Variants in KATNAL2 observed in about 807,000 individuals in gnomAD.
KATNAL2 encodes the protein katanin catalytic subunit A1 like 2.
In KATNAL2, 52 loss-of-function variants were observed where a neutral mutation model predicts 76.3. That is an observed-to-expected ratio of 0.68 (90% CI 0.55 to 0.86). The LOEUF (loss-of-function observed/expected upper bound fraction) is 0.86, where lower values mean the gene tolerates loss of function less well. Ranked by LOEUF, KATNAL2 falls within the 40% of genes least tolerant of loss-of-function variation. The pLI is 0.00. For missense variants in KATNAL2, 660 were observed against 668.9 expected, an observed-to-expected ratio of 0.99 and a Z score of 0.15; for synonymous variants, 243 against 244.2, an observed-to-expected ratio of 1.00 and a Z score of 0.05.
At chr18:46,956,953 G>T (rs1478251367) in intron 3 of KATNAL2, among the ~76,000 whole-genome samples, 1 of 148,360 alleles carries the variant, frequency 6.7e-6, no homozygotes, top group Admixed American at 6.9e-5. Flanking sequence ...TGAGACAAGA[G>T]AATTGGTTGA....
At chr18:46,960,509 T>C (rs2059906619) in intron 3 of KATNAL2, among the ~76,000 whole-genome samples, 1 of 151,666 alleles carries the variant, frequency 6.6e-6, no homozygotes, top group Non-Finnish European at 1.5e-5. Flanking sequence ...TGCTTAGAAC[T>C]GGGAGGGAAG....
At chr18:47,070,432 C>T (rs2061960268) in intron 13 of KATNAL2, among the ~76,000 whole-genome samples, 1 of 152,102 alleles carries the variant, frequency 6.6e-6, no homozygotes, top group East Asian at 1.9e-4. Context: ...TCCATCTTTA[C>T]AATATCACAT....
chr18:46,952,876 C>T (rs1347596831), intron 3 of KATNAL2, among the ~76,000 whole-genome samples: 1 of 148,590 alleles, frequency 6.7e-6, no homozygotes, highest in Non-Finnish European at 1.5e-5. Context: ...CCCTCCCTCC[C>T]TGCTTCCTTC....
chr18:47,057,660 T>C (rs2061509177), intron 6 of KATNAL2, among the ~76,000 whole-genome samples: 1 of 152,222 alleles, frequency 6.6e-6, no homozygotes, highest in Non-Finnish European at 1.5e-5. Flanking sequence ...TTGGCAAATA[T>C]GATTGGTCTG....
intron 3 of KATNAL2, among the ~76,000 whole-genome samples, chr18:46,955,231 T>C (rs2059708143): frequency 6.7e-6 from 1 of 148,698 alleles, no homozygotes; most frequent in African/African-American, 2.5e-5. Flanking sequence ...CTTTTTTTTT[T>C]TTGAGACAAA....
intron 5 of KATNAL2, among the ~76,000 whole-genome samples, 190 bp downstream of exon 5, chr18:47,053,236 A>G (rs1200154111): frequency 6.6e-6 from 1 of 152,226 alleles, no homozygotes; most frequent in Non-Finnish European, 1.5e-5. Context: ...ATATCCCTTT[A>G]GGCACTTTGG....
chr18:47,046,027 G>C (rs1351665908), intron 3 of KATNAL2, among the ~76,000 whole-genome samples: 1 of 152,162 alleles, frequency 6.6e-6, no homozygotes, highest in East Asian at 1.9e-4. Flanking sequence ...GACTGGGCGG[G>C]GCTCTGAGTG....
chr18:46,927,484 G>A (rs561688060), intron 1 of KATNAL2, among the ~76,000 whole-genome samples: 48 of 152,220 alleles, frequency 3.2e-4, no homozygotes, highest in Admixed American at 7.2e-4. Context: ...CCCTTTGTGG[G>A]TAACCCGACC....
chr18:46,919,755 A>G (rs892233807), intron 1 of KATNAL2, among the ~76,000 whole-genome samples: 7 of 152,218 alleles, frequency 4.6e-5, no homozygotes. Flanking sequence ...GTATTTGTTT[A>G]ATGAATAAAG....
chr18:46,958,350 C>G (rs1006218959), intron 3 of KATNAL2, among the ~76,000 whole-genome samples: 1 of 151,824 alleles, frequency 6.6e-6, no homozygotes, highest in Non-Finnish European at 1.5e-5. Flanking sequence ...AATAATAAAT[C>G]CTTATAATTA....
At chr18:46,921,688 CAT>C (rs770876353) in intron 1 of KATNAL2, among the ~76,000 whole-genome samples, 9 of 146,772 alleles carry the variant, frequency 6.1e-5, no homozygotes, top group Non-Finnish European at 7.5e-5. Context: ...CTGATAAACA[CAT>C]AACAAAAAAA....
intron 3 of KATNAL2, among the ~76,000 whole-genome samples, chr18:46,960,444 A>C (rs7243015): frequency 0.078 from 11,602 of 149,212 alleles, 481 homozygotes; most frequent in African/African-American, 0.1. Flanking sequence ...AAAAAAAATG[A>C]ACAGCAGTTT....
intron 4 of KATNAL2, among the ~76,000 whole-genome samples, chr18:47,046,779 T>C (rs2061170969): frequency 6.6e-6 from 1 of 152,172 alleles, no homozygotes; most frequent in African/African-American, 2.4e-5. Context: ...AGTCCATAGT[T>C]TACATTAGGG....
At chr18:46,924,540 G>A (rs1237329623) in intron 1 of KATNAL2, among the ~76,000 whole-genome samples, 1 of 152,154 alleles carries the variant, frequency 6.6e-6, no homozygotes, top group Non-Finnish European at 1.5e-5. Flanking sequence ...TTTGGCTTAG[G>A]ATTGATTTGA....
chr18:47,100,790 G>A lies in KATNAL2; in HGVS notation c.1478-76G>A, dbSNP rs1212031765. 8 of 1,519,008 alleles carry A rather than the reference G, an allele frequency of 5.3e-6. No individual in the cohort carries two copies. The East Asian group carries it at 1.4e-4, about 26-fold the overall frequency. 94.1% of individuals were successfully genotyped at this position (1,519,008 alleles called of 1,614,324 possible). The stretch of plus-strand genomic sequence containing the variant: ...TGCATTATGCATTATTTTGAAAGAA[G>A]GTCTATTAGCGTTTCAAGAGCATTG... On this transcript the variant is annotated intron_variant, in intron 17 of 17. Coordinates refer to ENST00000683218, the MANE Select transcript of KATNAL2 (RefSeq NM_001387690.1).
At chr18:46,937,688 A>G (rs998868672) in intron 1 of KATNAL2, among the ~76,000 whole-genome samples, 14 of 152,316 alleles carry the variant, frequency 9.2e-5, no homozygotes, top group African/African-American at 3.1e-4. Context: ...TCATACATGT[A>G]CATGTGCACT....
chr18:46,960,605 A>G (rs1350607301), intron 3 of KATNAL2, among the ~76,000 whole-genome samples: 1 of 152,182 alleles, frequency 6.6e-6, no homozygotes, highest in Non-Finnish European at 1.5e-5. Flanking sequence ...TACATAGAGG[A>G]AAAACATATG....
At chr18:46,943,466 T>C (rs558808524) in intron 1 of KATNAL2, among the ~76,000 whole-genome samples, 12 of 152,254 alleles carry the variant, frequency 7.9e-5, no homozygotes, top group Non-Finnish European at 1.2e-4. Flanking sequence ...AAAACCAAGA[T>C]GGCGATGAGA....
chr18:46,923,579 G>A (rs1455098716), intron 1 of KATNAL2, among the ~76,000 whole-genome samples: 2 of 152,086 alleles, frequency 1.3e-5, no homozygotes, highest in East Asian at 3.9e-4. Flanking sequence ...TAATCCTTTG[G>A]GTATATACCC....
Sources: gnomAD v4.1 joint callset for allele counts (sites outside exome capture counted in the v4.1 genomes callset) on GRCh38, gnomAD v4.1.1 for gene constraint, MANE v1.5 for transcripts, NCBI Gene and HGNC (gene_info 2026-07-23, HGNC 2026-07-21) for gene names.